RAB31: variants seen among roughly 807,000 people sequenced by gnomAD.
RAB31 encodes ras-related protein Rab-31.
In RAB31, 21 loss-of-function variants were observed where a neutral mutation model predicts 25.6. The ratio of observed to expected loss-of-function variants is 0.82; its 90% CI spans 0.58 to 1.18. The LOEUF (loss-of-function observed/expected upper bound fraction) is 1.18, where lower values mean the gene tolerates loss of function less well. Among genes scored for constraint, RAB31 ranks in the 50% most tolerant of loss-of-function variants. RAB31 has a pLI of 0.00. For missense variants in RAB31, 196 were observed against 250.1 expected (o/e 0.78, Z 1.46); for synonymous variants, 87 against 84.0 (o/e 1.04, Z -0.20).
intron 1 of RAB31, among the ~76,000 whole-genome samples, chr18:9,715,107 G>A (rs553687902): frequency 6.6e-6 from 1 of 152,240 alleles, no homozygotes; most frequent in African/African-American, 2.4e-5. Flanking sequence ...ACAGGAACAC[G>A]GCCCTTGCTG....
intron 3 of RAB31, among the ~76,000 whole-genome samples, chr18:9,802,125 C>T (rs537144234): frequency 3.9e-5 from 6 of 152,302 alleles, no homozygotes; most frequent in South Asian, 4.1e-4. Flanking sequence ...TCTCCAACTT[C>T]GTTCTTTTTC....
In RAB31 at chr18:9,805,521, G is replaced by A. The variant is rs561359831; in HGVS notation, c.202-8499G>A. Among the ~76,000 whole-genome samples the A allele has an allele frequency of 5.9e-5, 9 of 152,146 alleles. No individual in the cohort carries two copies. The South Asian group carries it at 1.5e-3, about 25-fold the overall frequency. On this transcript the variant is annotated intron_variant, in intron 3 of 6. Coordinates refer to ENST00000578921, the MANE Select transcript of RAB31 (RefSeq NM_006868.4). ...TTGAGGAGCCTTGTGAGGACACTGG[G>A]CCCACCCAAGGAATGCAAGATAATG...
In RAB31 at chr18:9,742,530, A is replaced by G. The variant is rs1011609749; in HGVS notation, c.40-32748A>G. On this transcript the variant is annotated intron_variant, in intron 1 of 6. Coordinates refer to ENST00000578921, the MANE Select transcript of RAB31 (RefSeq NM_006868.4). ...GGACGTTCTACGTGTTTTCTTCTTC[A>G]TGGCTTTTTGTTTTCTAATAAAAGA... 1.4e-4 allele frequency among the ~76,000 whole-genome samples: 21 copies of G among 152,094 alleles called. 1 individual carries two copies. Among genetic ancestry groups the G allele is most frequent in the Admixed American group, 1.4e-3 (21 of 15,282 alleles).
chr18:9,853,227 T>C (rs1568196883), intron 6 of RAB31, among the ~76,000 whole-genome samples: 2 of 152,192 alleles, frequency 1.3e-5, no homozygotes, highest in Non-Finnish European at 2.9e-5. Context: ...TTTTAATTAT[T>C]GATGAAGTGT....
chr18:9,769,401 G>C (rs985066597), intron 1 of RAB31, among the ~76,000 whole-genome samples: 4 of 152,094 alleles, frequency 2.6e-5, no homozygotes, highest in African/African-American at 7.2e-5. Context: ...TCTTTGAAGA[G>C]GTCCTTCACA....
At chr18:9,835,102 G>A (rs1403833287) in intron 5 of RAB31, among the ~76,000 whole-genome samples, 5 of 152,224 alleles carry the variant, frequency 3.3e-5, no homozygotes, top group East Asian at 1.9e-4. Flanking sequence ...CAAGGAAACC[G>A]AGACACAGGT....
At chr18:9,825,289 G>A (rs1033125123) in intron 5 of RAB31, among the ~76,000 whole-genome samples, 3 of 152,188 alleles carry the variant, frequency 2.0e-5, no homozygotes, top group Non-Finnish European at 4.4e-5. Flanking sequence ...CAAGGTCTGT[G>A]CTATTCTAGG....
intron 1 of RAB31, among the ~76,000 whole-genome samples, chr18:9,745,198 A>C (rs1439455301): frequency 6.6e-6 from 1 of 152,246 alleles, no homozygotes; most frequent in Non-Finnish European, 1.5e-5. Flanking sequence ...AGGTTAGATA[A>C]CCTAGAAGAA....
At chr18:9,756,517 C>A (rs1338302571) in intron 1 of RAB31, among the ~76,000 whole-genome samples, 1 of 149,098 alleles carries the variant, frequency 6.7e-6, no homozygotes, top group Non-Finnish European at 1.5e-5. Context: ...CTTGGCTTGG[C>A]AGTCGGCAAA....
intron 2 of RAB31, among the ~76,000 whole-genome samples, chr18:9,784,218 T>C (rs1017415192): frequency 4.0e-5 from 6 of 151,896 alleles, no homozygotes; most frequent in Non-Finnish European, 7.4e-5. Context: ...TTTTTTTCTT[T>C]TGTAGAGCCA....
chr18:9,717,957 C>G (rs1278868546), intron 1 of RAB31, among the ~76,000 whole-genome samples: 1 of 150,220 alleles, frequency 6.7e-6, no homozygotes, highest in Non-Finnish European at 1.5e-5. Flanking sequence ...TGCAGTGGTG[C>G]AATCACAGCT....
intron 5 of RAB31, among the ~76,000 whole-genome samples, chr18:9,827,240 C>CA: frequency 6.6e-6 from 1 of 152,088 alleles, no homozygotes; most frequent in Non-Finnish European, 1.5e-5. Flanking sequence ...TTCCACCTCT[C>CA]ACTGGTGTAT....
rs895741893 is a variant in RAB31, at chr18:9,806,627, G to A, written c.202-7393G>A. ...CCCAAGATGCCACAGAATGGAGCTT[G>A]GCTTTTATACTAAGTTTGAAGGATT... On this transcript the variant is annotated intron_variant, in intron 3 of 6. Transcript: ENST00000578921. 6.6e-5 allele frequency among the ~76,000 whole-genome samples: 10 copies of A among 152,222 alleles called. No homozygotes were observed. The South Asian group carries it at 8.3e-4, about 13-fold the overall frequency.
At chr18:9,847,721 C>T (rs541699709) in intron 6 of RAB31, among the ~76,000 whole-genome samples, 15 of 152,066 alleles carry the variant, frequency 9.9e-5, no homozygotes, top group South Asian at 2.1e-4. Context: ...TATAGGTGTG[C>T]ACCACCACAC....
intron 1 of RAB31, among the ~76,000 whole-genome samples, chr18:9,710,171 A>G (rs2068008989): frequency 6.6e-6 from 1 of 152,184 alleles, no homozygotes; most frequent in South Asian, 2.1e-4. Context: ...CTGTGTCAAG[A>G]GGCAGGAAAC....
At chr18:9,763,411 T>G (rs1281470424) in intron 1 of RAB31, among the ~76,000 whole-genome samples, 1 of 151,368 alleles carries the variant, frequency 6.6e-6, no homozygotes, top group Non-Finnish European at 1.5e-5. Flanking sequence ...AAAATCAAGA[T>G]TTAAAAATTC....
intron 1 of RAB31, among the ~76,000 whole-genome samples, chr18:9,709,804 G>A (rs2068007213): frequency 6.6e-6 from 1 of 152,202 alleles, no homozygotes; most frequent in South Asian, 2.1e-4. Context: ...TGTGTGGCAG[G>A]AGTGGGTTTT....
At chr18:9,751,719 T>TA (rs2068235984) in intron 1 of RAB31, among the ~76,000 whole-genome samples, 1 of 152,148 alleles carries the variant, frequency 6.6e-6, no homozygotes, top group African/African-American at 2.4e-5. Flanking sequence ...CTGGTGCACG[T>TA]AAAAAAGTGG....
rs1268394041 is a variant in RAB31 at position 9,766,536 on chromosome 18, A to G, written c.40-8742A>G. 2.6e-5 allele frequency among the ~76,000 whole-genome samples: 4 copies of G among 152,220 alleles called. No individual in the cohort carries two copies. Among genetic ancestry groups the G allele is most frequent in the Non-Finnish European group, 4.4e-5 (3 of 68,028 alleles). On this transcript the variant is annotated intron_variant, in intron 1 of 6. Transcript: ENST00000578921. This position sits in a 1 kb window ranked among gnomAD's most constrained non-coding sequence, Gnocchi z 4.3. ...GTCAGAACAGTCCAAACTGTTAACC[A>G]TGCAGACTTCTGCCTGTTTCTCTCT...
Sources: allele counts gnomAD v4.1 joint callset (sites outside exome capture counted in the v4.1 genomes callset), GRCh38; gene constraint gnomAD v4.1.1; non-coding constraint Gnocchi (gnomAD v3.1); transcripts MANE v1.5; gene names NCBI Gene and HGNC (gene_info 2026-07-23, HGNC 2026-07-21).